GALNT17: variants seen among roughly 807,000 people sequenced by gnomAD.
GALNT17 encodes the protein polypeptide N-acetylgalactosaminyltransferase 17.
In GALNT17, 29 loss-of-function variants were observed where a neutral mutation model predicts 63.7. The ratio of observed to expected loss-of-function variants is 0.46; its 90% CI spans 0.34 to 0.62. The LOEUF (loss-of-function observed/expected upper bound fraction) is 0.62. Among genes scored for constraint, GALNT17 ranks in the 20% least tolerant of loss-of-function variants. GALNT17 has a pLI of 0.01. For synonymous variants in GALNT17, 305 were observed against 318.3 expected, an observed-to-expected ratio of 0.96 and a Z score of 0.45; for missense variants, 603 against 799.6, an observed-to-expected ratio of 0.75 and a Z score of 2.97.
intron 5 of GALNT17, among the ~76,000 whole-genome samples, chr7:71,503,836 T>C (rs993125867): frequency 3.9e-5 from 6 of 152,038 alleles, no homozygotes; most frequent in African/African-American, 1.2e-4. Context: ...TGGCTCACGC[T>C]TGTAATCCCA....
At chr7:71,482,269 C>T (rs1183956254) in intron 5 of GALNT17, among the ~76,000 whole-genome samples, 1 of 151,872 alleles carries the variant, frequency 6.6e-6, no homozygotes, top group African/African-American at 2.4e-5. Flanking sequence ...CCTGCCTCAG[C>T]CTCCAGAGTA....
chr7:71,522,001 G>T (rs1033311087), intron 5 of GALNT17, among the ~76,000 whole-genome samples: 2 of 152,244 alleles, frequency 1.3e-5, no homozygotes, highest in Admixed American at 1.3e-4. Context: ...AAATATCAAA[G>T]TACAGTGAGA....
At chr7:71,513,572 G>C (rs562712123) in intron 5 of GALNT17, among the ~76,000 whole-genome samples, 2 of 152,046 alleles carry the variant, frequency 1.3e-5, no homozygotes, top group African/African-American at 4.8e-5. Flanking sequence ...TTTGAGTAGA[G>C]ACAGAGTTTC....
chr7:71,363,537 C>T (rs921975710), intron 2 of GALNT17, among the ~76,000 whole-genome samples: 11 of 152,194 alleles, frequency 7.2e-5, no homozygotes, highest in Admixed American at 6.5e-4. Flanking sequence ...TTTCTGTGTC[C>T]ATGATGATCT....
intron 1 of GALNT17, among the ~76,000 whole-genome samples, chr7:71,323,126 G>A (rs1001413769): frequency 2.0e-5 from 3 of 152,060 alleles, no homozygotes; most frequent in Admixed American, 1.3e-4. Context: ...TCTTGATAAT[G>A]TCTTGTAATA....
chr7:71,697,743 TG>T lies in GALNT17; in HGVS notation c.1501-13017del, dbSNP rs149973857. Among the ~76,000 whole-genome samples, 4 of 152,322 alleles carry T rather than the reference TG, an allele frequency of 2.6e-5. No individual in the cohort carries two copies. In the East Asian group the frequency reaches 7.7e-4, roughly 29 times the overall value. On this transcript the variant is annotated intron_variant, in intron 9 of 10. Coordinates refer to ENST00000333538, the MANE Select transcript of GALNT17 (RefSeq NM_022479.3). Reference sequence around the variant, plus strand: ...CAGTAGTAGAGTACATTAGATACTTTGAAGGGTCTCCCTGCTCTCATATAGA... The same window carrying T: ...CAGTAGTAGAGTACATTAGATACTTTAAGGGTCTCCCTGCTCTCATATAGA...
chr7:71,282,899 G>A (rs1294065131), intron 1 of GALNT17, among the ~76,000 whole-genome samples: 1 of 152,086 alleles, frequency 6.6e-6, no homozygotes, highest in African/African-American at 2.4e-5. Context: ...GCTAGGCAAT[G>A]TGGGGGTGAA....
At chr7:71,362,339 C>T (rs1213224422) in intron 2 of GALNT17, among the ~76,000 whole-genome samples, 1 of 152,154 alleles carries the variant, frequency 6.6e-6, no homozygotes. Flanking sequence ...TGTGTTCATG[C>T]TTAACTGATT....
At chr7:71,261,991 G>A (rs1790393420) in intron 1 of GALNT17, among the ~76,000 whole-genome samples, 1 of 152,136 alleles carries the variant, frequency 6.6e-6, no homozygotes, top group South Asian at 2.1e-4. Context: ...TCTACATCTT[G>A]GGCACCCCGA....
At chr7:71,156,196 C>CAA (rs773497172) in intron 1 of GALNT17, among the ~76,000 whole-genome samples, 5 of 132,250 alleles carry the variant, frequency 3.8e-5, no homozygotes, top group Non-Finnish European at 6.5e-5. Flanking sequence ...AACTCCGTCT[C>CAA]AAAAAAAAAA....
intron 5 of GALNT17, among the ~76,000 whole-genome samples, chr7:71,556,137 T>G (rs1789159841): frequency 6.6e-6 from 1 of 152,236 alleles, no homozygotes; most frequent in South Asian, 2.1e-4. Context: ...ACTATTTTGC[T>G]GCTACTGTAG....
At chr7:71,610,381 A>G (rs974355085) in intron 6 of GALNT17, among the ~76,000 whole-genome samples, 14 of 152,100 alleles carry the variant, frequency 9.2e-5, no homozygotes, top group Admixed American at 8.5e-4. Context: ...CTAGCTACTC[A>G]GGAGGCTGAG....
intron 1 of GALNT17, among the ~76,000 whole-genome samples, chr7:71,260,320 T>C (rs1476073856): frequency 6.6e-6 from 1 of 152,190 alleles, no homozygotes; most frequent in Non-Finnish European, 1.5e-5. Flanking sequence ...TTGACACTTC[T>C]ATAATTCTGC....
chr7:71,651,372 G>A (rs535559479), intron 6 of GALNT17, among the ~76,000 whole-genome samples: 2 of 150,444 alleles, frequency 1.3e-5, no homozygotes, highest in South Asian at 2.1e-4. Flanking sequence ...GTGCGATCTC[G>A]GCTCACTGCA....
intron 6 of GALNT17, among the ~76,000 whole-genome samples, chr7:71,626,140 A>G (rs1479482014): frequency 6.6e-6 from 1 of 151,446 alleles, no homozygotes; most frequent in African/African-American, 2.4e-5. Flanking sequence ...GCTATTCAGG[A>G]GGCTGAGGCA....
At chr7:71,345,171 C>G (rs1792070459) in intron 2 of GALNT17, among the ~76,000 whole-genome samples, 1 of 138,976 alleles carries the variant, frequency 7.2e-6, no homozygotes, top group East Asian at 2.0e-4. Flanking sequence ...TTTTTTTTTG[C>G]TGAGACATAC....
chr7:71,571,222 G>A lies in GALNT17; in HGVS notation c.963-63G>A. 8.6e-6 allele frequency: 12 copies of A among 1,396,804 alleles called. No homozygotes were observed. In the South Asian group the frequency reaches 1.4e-4, roughly 16 times the overall value. 86.5% of individuals were successfully genotyped at this position (1,396,804 alleles called of 1,614,324 possible). ...CGGAACCAGTACATACTAGGACGGTGCCTATGGAAGGGCTTCTGGCACTGA... is the reference window on the plus strand; with the variant it reads ...CGGAACCAGTACATACTAGGACGGTACCTATGGAAGGGCTTCTGGCACTGA... On this transcript the variant is annotated intron_variant, in intron 5 of 10. Transcript: ENST00000333538.
At chr7:71,604,324 A>G (rs1018216023) in intron 6 of GALNT17, among the ~76,000 whole-genome samples, 1 of 152,142 alleles carries the variant, frequency 6.6e-6, no homozygotes, top group Non-Finnish European at 1.5e-5. Flanking sequence ...TGATAAGTGC[A>G]TTCACCAGAT....
At chr7:71,292,608 C>T (rs1790997545) in intron 1 of GALNT17, among the ~76,000 whole-genome samples, 1 of 151,206 alleles carries the variant, frequency 6.6e-6, no homozygotes. Flanking sequence ...TATTCATTAT[C>T]TCCACATAGG....
Sources: gnomAD v4.1 joint callset for allele counts (sites outside exome capture counted in the v4.1 genomes callset) on GRCh38, gnomAD v4.1.1 for gene constraint, MANE v1.5 for transcripts, NCBI Gene and HGNC (gene_info 2026-07-23, HGNC 2026-07-21) for gene names.